Variants in BRD1 observed in about 807,000 individuals in gnomAD.
The protein encoded by BRD1 is bromodomain containing 1, also known as bromodomain-containing protein 1.
In BRD1, 24 loss-of-function variants were observed where a neutral mutation model predicts 107.7. That is an observed-to-expected ratio of 0.22 (90% CI 0.16 to 0.31). The LOEUF is 0.31. BRD1 is among the 10% of genes least tolerant of loss of function. The probability of loss-of-function intolerance (pLI) is 1.00; values close to 1 mark genes in which losing one functional copy is unlikely to be tolerated. For missense variants in BRD1, 1,279 were observed against 1,638.6 expected (o/e 0.78, Z 3.79); for synonymous variants, 744 against 686.1 (o/e 1.08, Z -1.32).
chr22:49,818,379 T>C (rs1202841577), intron 2 of BRD1: 7 of 1,211,186 alleles, frequency 5.8e-6, no homozygotes, highest in South Asian at 2.9e-5. Flanking sequence ...TGCATTCTGA[T>C]GAACCTAGGA....
rs1419607139 is a variant in BRD1 at position 49,803,613 on chromosome 22, T to C, written c.1524+591A>G. Among the ~76,000 whole-genome samples, 2 of 152,184 alleles carry C rather than the reference T, an allele frequency of 1.3e-5. No individual in the cohort carries two copies. The highest frequency in any genetic ancestry group is 2.4e-5 in the African/African-American group (1 of 41,426). On this transcript the variant is annotated intron_variant, in intron 3 of 12. Coordinates refer to ENST00000404760, the MANE Select transcript of BRD1 (RefSeq NM_001304808.3). The surrounding 1 kb of genome is among the most constrained non-coding windows in gnomAD (Gnocchi z 4.4). Reference sequence around the variant, plus strand: ...TATAAACTCAAACCTACTATCAAAATGTAAGAGTTTGGGTTTGTTCTTTTA... The same window carrying C: ...TATAAACTCAAACCTACTATCAAAACGTAAGAGTTTGGGTTTGTTCTTTTA...
At chr22:49,786,489 C>T (rs2059327933) in intron 8 of BRD1, among the ~76,000 whole-genome samples, 1 of 152,256 alleles carries the variant, frequency 6.6e-6, no homozygotes, top group African/African-American at 2.4e-5. Flanking sequence ...AGATGAGAAG[C>T]GCTTTCCAGT....
At chr22:49,815,491 G>A (rs1008224427) in intron 2 of BRD1, among the ~76,000 whole-genome samples, 3 of 151,682 alleles carry the variant, frequency 2.0e-5, no homozygotes, top group East Asian at 1.9e-4. Context: ...TGCAGTGAGC[G>A]TAGATCACGC....
Position 49,824,016 on chromosome 22 carries a change from T to A in BRD1, c.302A>T (p.Asn101Ile). The change falls in exon 2 of 13, where the codon AAC (asparagine) becomes ATC (isoleucine). Residue 101 changes from asparagine to isoleucine, a missense_variant. By Grantham distance (149) the Asn-to-Ile change is moderately radical (BLOSUM62 -3). Around this residue, in one of 7 missense-constraint regions of BRD1, gnomAD observed 223 missense variants for 263.5 expected, o/e 0.85. Coordinates refer to ENST00000404760, the MANE Select transcript of BRD1 (RefSeq NM_001304808.3). The surrounding 1 kb of genome is among the most constrained non-coding windows in gnomAD (Gnocchi z 5.9). ...RHKNNRVKKK[N>I]EALPSAHGTP... ...GCCGTGGGCGCTGGGGAGGGCCTCG[T>A]TTTTCTTTTTGACTCTGTTGTTTTT... The A allele has an allele frequency of 2.5e-6, 4 of 1,613,832 alleles. No homozygotes were observed. Among genetic ancestry groups the A allele is most frequent in the Non-Finnish European group, 3.4e-6 (4 of 1,180,012 alleles).
chr22:49,793,936 C>T (rs2059481143), intron 7 of BRD1, 98 bp downstream of exon 7: 1 of 1,495,218 alleles, frequency 6.7e-7, no homozygotes, highest in Non-Finnish European at 8.9e-7. Flanking sequence ...CCTCCGTGCA[C>T]ACCAACGCTG....
intron 5 of BRD1, 125 bp downstream of exon 5, chr22:49,798,433 A>T: frequency 6.8e-7 from 1 of 1,476,888 alleles, no homozygotes; most frequent in Non-Finnish European, 9.3e-7. Context: ...CAAATACGTT[A>T]AATAAAAACG....
chr22:49,787,299 A>AACCCC (rs2059344927), intron 8 of BRD1, 91 bp downstream of exon 8: 93 of 546,650 alleles, frequency 1.7e-4, no homozygotes, highest in East Asian at 6.1e-4. Flanking sequence ...GAAGCTGGAC[A>AACCCC]CCCCCCCCCC....
rs79582137 is a variant in BRD1 at position 49,790,547 on chromosome 22, C to T, written c.2360-2660G>A. On this transcript the variant is annotated intron_variant, in intron 7 of 12. Transcript: ENST00000404760. ...ATGGTTATCTAATCCAAACCAGCTA[C>T]TCTAAGAAACTAAAACCTAGTTAAG... is the stretch of plus-strand genomic sequence containing the variant. Among the ~76,000 whole-genome samples, 1,348 of 152,356 alleles carry T rather than the reference C, an allele frequency of 8.8e-3. 13 individuals are homozygous for T. Among genetic ancestry groups the T allele is most frequent in the South Asian group, 0.063 (306 of 4,826 alleles).
chr22:49,813,959 T>C (rs1330916302), intron 2 of BRD1, among the ~76,000 whole-genome samples: 1 of 151,926 alleles, frequency 6.6e-6, no homozygotes. Flanking sequence ...GTGATAAATT[T>C]GAGGAGTACG....
chr22:49,818,959 G>A (rs1444953562), intron 2 of BRD1, among the ~76,000 whole-genome samples: 2 of 152,076 alleles, frequency 1.3e-5, no homozygotes, highest in Admixed American at 6.5e-5. Context: ...GAGAGAGGAA[G>A]TGAAAAGAAA....
intron 2 of BRD1, among the ~76,000 whole-genome samples, chr22:49,809,332 G>A (rs1425505447): frequency 6.6e-6 from 1 of 151,956 alleles, no homozygotes; most frequent in Non-Finnish European, 1.5e-5. Flanking sequence ...ATGAGGTCAG[G>A]AGTTCAAGAC....
At chr22:49,775,832 CA>C (rs375633183) in intron 11 of BRD1, 87 bp from the exon 12 acceptor site, 53,942 of 987,616 alleles carry the variant, frequency 0.055, 2,419 homozygotes, top group African/African-American at 0.32. Flanking sequence ...CCCGCCTCCC[CA>C]CCCCAGCTGT....
rs2147199048 is a variant in BRD1 at position 49,803,845 on chromosome 22, T to C, written c.1524+359A>G. ...TGTGCTCACCGGGTCCCACTCCTGC[T>C]GTCCCCAGCCCGGACGCTCATGCAG... On this transcript the variant is annotated intron_variant, in intron 3 of 12. Transcript: ENST00000404760. The surrounding 1 kb of genome is among the most constrained non-coding windows in gnomAD (Gnocchi z 4.4). 6.6e-6 allele frequency among the ~76,000 whole-genome samples: 1 copy of C among 152,312 alleles called. No individual in the cohort carries two copies. Among genetic ancestry groups the C allele is most frequent in the East Asian group, 1.9e-4 (1 of 5,182 alleles).
chr22:49,804,599 A>G (rs1217193994), intron 2 of BRD1, among the ~76,000 whole-genome samples: 1 of 152,250 alleles, frequency 6.6e-6, no homozygotes, highest in East Asian at 1.9e-4. Flanking sequence ...CTGTAATCCC[A>G]GCACTTTGGG....
In BRD1 at chr22:49,824,279, C is replaced by T. The variant is rs774757206; in HGVS notation, c.39G>A (p.Ala13=). ...CACTGCATGGGGAAGAAGGATGCCT[C>T]GCTGCAGAGCCTCGATGACATCGTC... is the stretch of plus-strand genomic sequence containing the variant. ...RKGRCHRGSA[A]RHPSSPCSVK... The change falls in exon 2 of 13, where the codon GCG becomes GCA. Residue 13 remains alanine (A), a synonymous_variant. Transcript: ENST00000404760. This position sits in a 1 kb window ranked among gnomAD's most constrained non-coding sequence, Gnocchi z 5.9. The T allele has an allele frequency of 6.8e-6, 11 of 1,613,954 alleles. No individual in the cohort carries two copies. The South Asian group carries it at 7.7e-5, about 11-fold the overall frequency.
chr22:49,787,310 C>A lies in BRD1; in HGVS notation c.2857+80G>T, dbSNP rs1039152986. On this transcript the variant is annotated intron_variant, in intron 8 of 12. Coordinates refer to ENST00000404760, the MANE Select transcript of BRD1 (RefSeq NM_001304808.3). ...AACAGAAGCTGGACACCCCCCCCCC[C>A]CCGTCACACCAATGATCCTGAAGGA... 107 of 1,138,884 alleles carry A rather than the reference C, an allele frequency of 9.4e-5. 7 individuals carry two copies. The highest frequency in any genetic ancestry group is 6.4e-4 in the South Asian group (42 of 65,872). 70.5% of individuals were successfully genotyped at this position (1,138,884 alleles called of 1,614,324 possible).
At chr22:49,812,749 T>C (rs2059874060) in intron 2 of BRD1, among the ~76,000 whole-genome samples, 1 of 152,196 alleles carries the variant, frequency 6.6e-6, no homozygotes, top group East Asian at 1.9e-4. Context: ...TACTGCCCAC[T>C]GTACACAGAC....
intron 8 of BRD1, among the ~76,000 whole-genome samples, chr22:49,785,145 C>T (rs535398927): frequency 6.6e-6 from 1 of 152,386 alleles, no homozygotes; most frequent in Non-Finnish European, 1.5e-5. Flanking sequence ...TGCTCTTCTA[C>T]AAGGGACATC....
At chr22:49,797,368 C>A (rs2059554217) in intron 6 of BRD1, among the ~76,000 whole-genome samples, 1 of 152,212 alleles carries the variant, frequency 6.6e-6, no homozygotes, top group Non-Finnish European at 1.5e-5. Flanking sequence ...GAGGCCCACT[C>A]TGGATGAAAA....
Sources: allele counts gnomAD v4.1 joint callset (sites outside exome capture counted in the v4.1 genomes callset), GRCh38; gene constraint gnomAD v4.1.1; regional missense constraint gnomAD v4.1.1; non-coding constraint Gnocchi (gnomAD v3.1); transcripts MANE v1.5; gene names NCBI Gene and HGNC (gene_info 2026-07-23, HGNC 2026-07-21).